CACFD1: variants seen among roughly 807,000 people sequenced by gnomAD.
CACFD1 encodes calcium channel flower homolog.
A neutral mutation model predicts 21.3 loss-of-function variants in CACFD1; 26 were observed. The observed-to-expected ratio is 1.22, with a 90% confidence interval of 0.89 to 1.69. The LOEUF is 1.69. Ranked by LOEUF, CACFD1 falls within the 40% of genes most tolerant of loss-of-function variation. The pLI, the probability that CACFD1 is intolerant of heterozygous loss-of-function variation, is 0.00. For synonymous variants in CACFD1, 121 were observed against 106.6 expected (o/e 1.13, Z -0.83); for missense variants, 265 against 236.2 (o/e 1.12, Z -0.80).
Position 133,463,573 on chromosome 9 carries a change from G to A in CACFD1, c.194+18G>A, listed in dbSNP as rs782200236. ...TGGATGATGTGAGTAATGCATGGCC[G>A]TCCCACCCCGGGGGTCTTGCTGGTC... On this transcript the variant is annotated intron_variant, in intron 2 of 4. Transcript: ENST00000316948. The A allele has an allele frequency of 3.8e-5, 62 of 1,612,920 alleles. No homozygotes were observed. Among genetic ancestry groups the A allele is most frequent in the Middle Eastern group, 1.6e-4 (1 of 6,082 alleles).
intron 1 of CACFD1, chr9:133,462,290 C>G: frequency 7.7e-7 from 1 of 1,303,306 alleles, no homozygotes; most frequent in South Asian, 1.2e-5. Flanking sequence ...ACAGGCAGGC[C>G]CCTGTGTACC....
chr9:133,464,038 A>G (rs988432861), intron 2 of CACFD1, among the ~76,000 whole-genome samples: 3 of 152,092 alleles, frequency 2.0e-5, no homozygotes, highest in Admixed American at 6.5e-5. Context: ...GGCGGGTCGG[A>G]GTTGTCACGG....
rs1554799979 is a variant in CACFD1 at position 133,468,251 on chromosome 9, A to G, written c.428+223A>G. 2.8e-6 allele frequency: 4 copies of G among 1,436,044 alleles called. No individual in the cohort carries two copies. In the African/African-American group the frequency reaches 4.3e-5, roughly 15 times the overall value. 89.0% of individuals were successfully genotyped at this position (1,436,044 alleles called of 1,614,324 possible). A position where few individuals can be genotyped will look rare whatever the true frequency, so the allele number is the denominator to read the frequency against. Reference sequence around the variant, plus strand: ...TCTTGCCCCGTCACGGCCTGCAGCAAGGATAGCAAAAACATGGCTGGTGGG... The same window carrying G: ...TCTTGCCCCGTCACGGCCTGCAGCAGGGATAGCAAAAACATGGCTGGTGGG... On this transcript the variant is annotated intron_variant, in intron 4 of 4. Coordinates refer to ENST00000316948, the MANE Select transcript of CACFD1 (RefSeq NM_017586.5).
At position 133,465,349 on chromosome 9, in the gene CACFD1, T is replaced by C; in HGVS notation, c.222T>C (p.Cys74=). The C allele has an allele frequency of 6.2e-7, 1 of 1,614,080 alleles. No homozygotes were observed. The highest frequency in any genetic ancestry group is 2.2e-5 in the East Asian group (1 of 44,876). The part of the protein sequence containing the change: ...MIMNAFILLL[C]EAPFCCQFIE... The stretch of plus-strand genomic sequence containing the variant: ...TGAATGCCTTCATCTTGTTGCTGTG[T>C]GAGGCGCCCTTCTGCTGCCAGTTCA... The change falls in exon 3 of 5, where the codon TGT becomes TGC. Residue 74 remains cysteine (C), a synonymous_variant. Transcript: ENST00000316948. This position sits in a 1 kb window ranked among gnomAD's most constrained non-coding sequence, Gnocchi z 5.0.
chr9:133,467,848 G>A (rs897116834), intron 3 of CACFD1, 73 bp from the exon 4 acceptor site: 12 of 1,110,798 alleles, frequency 1.1e-5, no homozygotes, highest in Admixed American at 8.6e-5. Context: ...ATGCTGGGCC[G>A]AGTCTGGGAA....
chr9:133,467,830 T>TA, intron 3 of CACFD1, 91 bp from the exon 4 acceptor site: 1 of 914,880 alleles, frequency 1.1e-6, no homozygotes, highest in Non-Finnish European at 1.8e-6. Context: ...CCTGGGTGTC[T>TA]AGGAAGGATG....
At chr9:133,467,320 G>A (rs1001287779) in intron 3 of CACFD1, among the ~76,000 whole-genome samples, 6 of 152,190 alleles carry the variant, frequency 3.9e-5, no homozygotes, top group Non-Finnish European at 8.8e-5. Flanking sequence ...ACCAGGTGAC[G>A]CCAAACTGCA....
chr9:133,460,120 G>T lies in CACFD1; in HGVS notation c.54G>T (p.Ala18=). 1 of 1,562,674 alleles carries T rather than the reference G, an allele frequency of 6.4e-7. No homozygotes were observed. Among genetic ancestry groups the T allele is most frequent in the Non-Finnish European group, 8.7e-7 (1 of 1,153,082 alleles). The change falls in exon 1 of 5, where the codon GCG becomes GCT. Residue 18 remains alanine (A), a synonymous_variant. Transcript: ENST00000316948. Reference sequence around the variant, plus strand: ...CGTCCGCCAGCTCTGCGCCGCCCGCGCAGGAAGAGGGCATGACGTGGTGGT... The same window carrying T: ...CGTCCGCCAGCTCTGCGCCGCCCGCTCAGGAAGAGGGCATGACGTGGTGGT... ...PGASASSAPP[A]QEEGMTWWYR...
rs1237886180 is a variant in CACFD1 at position 133,468,851 on chromosome 9, G to A, written c.*198G>A. On this transcript the variant is annotated 3_prime_UTR_variant, in exon 5 of 5. Transcript: ENST00000316948. ...GCTGGTGTGAGGGTCTGGGCTGCTG[G>A]ACTTGAGGCAGAGCCTGCAGCAGCT... is the stretch of plus-strand genomic sequence containing the variant. 7 of 904,682 alleles carry A rather than the reference G, an allele frequency of 7.7e-6. No individual in the cohort carries two copies. The highest frequency in any genetic ancestry group is 1.1e-5 in the Non-Finnish European group (7 of 624,446). 56.0% of individuals were successfully genotyped at this position (904,682 alleles called of 1,614,324 possible).
At chr9:133,460,257 C>T in intron 1 of CACFD1, 70 bp downstream of exon 1, 2 of 1,354,748 alleles carry the variant, frequency 1.5e-6, no homozygotes. Flanking sequence ...CTGCCCCGCC[C>T]CGCCCCGGCG....
At position 133,465,749 on chromosome 9, in the gene CACFD1, G is replaced by C. The variant is rs980723713; in HGVS notation, c.320+302G>C. ...TGGGAAGCGTCTGGAATTTTGGTCC[G>C]TCCACTGGGAGTTGTTAACCAGATG... On this transcript the variant is annotated intron_variant, in intron 3 of 4. Coordinates refer to ENST00000316948, the MANE Select transcript of CACFD1 (RefSeq NM_017586.5). The surrounding 1 kb of genome is among the most constrained non-coding windows in gnomAD (Gnocchi z 5.0). 9.1e-6 allele frequency: 3 copies of C among 330,108 alleles called. No homozygotes were observed. Among genetic ancestry groups the C allele is most frequent in the Non-Finnish European group, 1.7e-5 (3 of 179,214 alleles). 20.4% of individuals were successfully genotyped at this position (330,108 alleles called of 1,614,324 possible).
chr9:133,463,741 T>G (rs1210947520), intron 2 of CACFD1, among the ~76,000 whole-genome samples, 186 bp downstream of exon 2: 1 of 152,194 alleles, frequency 6.6e-6, no homozygotes, highest in Non-Finnish European at 1.5e-5. Flanking sequence ...CTTCTTCCCC[T>G]TCATACCCCC....
In CACFD1 at chr9:133,469,707, C is replaced by G. The variant is rs1843598897; in HGVS notation, c.*1054C>G. Reference sequence around the variant, plus strand: ...TATTCCCTCTGCCCTGTGGCCTCAGCCCGCTGGCCTCTCTGACCGTGAGGC... The same window carrying G: ...TATTCCCTCTGCCCTGTGGCCTCAGGCCGCTGGCCTCTCTGACCGTGAGGC... On this transcript the variant is annotated 3_prime_UTR_variant, in exon 5 of 5. Transcript: ENST00000316948. The G allele has an allele frequency of 6.6e-6, 1 of 152,296 alleles. No individual in the cohort carries two copies. The highest frequency in any genetic ancestry group is 1.5e-5 in the Non-Finnish European group (1 of 68,092). The allele number at this position is 152,296 out of a possible 1,614,324, so 9.4% of individuals were successfully genotyped here.
In CACFD1 at chr9:133,468,678, G is replaced by A. The variant is rs1554800212; in HGVS notation, c.*25G>A. On this transcript the variant is annotated 3_prime_UTR_variant, in exon 5 of 5. Transcript: ENST00000316948. Reference sequence around the variant, plus strand: ...AAGGGCTGGGCGCCCCTCCCTCCCTGTCCCCTCTTCTGGCTCTGTGTGGGT... The same window carrying A: ...AAGGGCTGGGCGCCCCTCCCTCCCTATCCCCTCTTCTGGCTCTGTGTGGGT... The A allele has an allele frequency of 6.5e-7, 1 of 1,548,660 alleles. No individual in the cohort carries two copies. The highest frequency in any genetic ancestry group is 1.2e-5 in the South Asian group (1 of 83,724).
chr9:133,460,279 A>G, intron 1 of CACFD1, 92 bp downstream of exon 1: 1 of 1,210,138 alleles, frequency 8.3e-7, no homozygotes, highest in Non-Finnish European at 1.1e-6. Context: ...CCCCAGGGGA[A>G]AGGACCCGCT....
chr9:133,465,158 G>C lies in CACFD1; in HGVS notation c.195-164G>C. Reference sequence around the variant, plus strand: ...AGTCTTCAGCAGAGGCTCTCCGAGGGGTACGAGCAGGTGCCCTGGAGCAGC... The same window carrying C: ...AGTCTTCAGCAGAGGCTCTCCGAGGCGTACGAGCAGGTGCCCTGGAGCAGC... On this transcript the variant is annotated intron_variant, in intron 2 of 4. Coordinates refer to ENST00000316948, the MANE Select transcript of CACFD1 (RefSeq NM_017586.5). The surrounding 1 kb of genome is among the most constrained non-coding windows in gnomAD (Gnocchi z 5.0). 1 of 715,442 alleles carries C rather than the reference G, an allele frequency of 1.4e-6. No individual in the cohort carries two copies. The highest frequency in any genetic ancestry group is 2.4e-6 in the Non-Finnish European group (1 of 409,902). 44.3% of individuals were successfully genotyped at this position (715,442 alleles called of 1,614,324 possible).
In CACFD1 at chr9:133,468,642, G is replaced by C. The variant is rs782381668; in HGVS notation, c.508G>C (p.Gly170Arg). Residue 170 changes from glycine to arginine, a missense_variant, in exon 5 of 5, where the codon GGG becomes CGG. Gly to Arg is a moderately radical substitution (Grantham distance 125). Coordinates refer to ENST00000316948, the MANE Select transcript of CACFD1 (RefSeq NM_017586.5). ...DEEKLAETLE[G>R]EL ...GGAGAAGCTCGCGGAGACCCTGGAGGGGGAGCTGTGAAGGGCTGGGCGCCC... is the reference window on the plus strand; with the variant it reads ...GGAGAAGCTCGCGGAGACCCTGGAGCGGGAGCTGTGAAGGGCTGGGCGCCC... The C allele has an allele frequency of 1.9e-6, 3 of 1,577,378 alleles. No individual in the cohort carries two copies. The highest frequency in any genetic ancestry group is 2.0e-4 in the Middle Eastern group (1 of 4,958).
rs931673885 is a variant in CACFD1, at chr9:133,465,889, C to G, written c.320+442C>G. ...GCAGAGCAGAAAATGTGGTTGCCCT[C>G]TAAATACACTTGTTAAAAATTTTCC... is the stretch of plus-strand genomic sequence containing the variant. On this transcript the variant is annotated intron_variant, in intron 3 of 4. Coordinates refer to ENST00000316948, the MANE Select transcript of CACFD1 (RefSeq NM_017586.5). This position sits in a 1 kb window ranked among gnomAD's most constrained non-coding sequence, Gnocchi z 5.0. 10 of 158,966 alleles carry G rather than the reference C, an allele frequency of 6.3e-5. No homozygotes were observed. The highest frequency in any genetic ancestry group is 2.4e-4 in the African/African-American group (10 of 41,544). 9.8% of individuals were successfully genotyped at this position (158,966 alleles called of 1,614,324 possible). A position where few individuals can be genotyped will look rare whatever the true frequency, so the allele number is the denominator to read the frequency against.
intron 1 of CACFD1, 31 bp from the exon 2 acceptor site, chr9:133,463,452 G>T: frequency 6.2e-7 from 1 of 1,613,602 alleles, no homozygotes; most frequent in Non-Finnish European, 8.5e-7. Flanking sequence ...CTGCCTCCCT[G>T]CTGACTCCTG....
Sources: allele counts gnomAD v4.1 joint callset (sites outside exome capture counted in the v4.1 genomes callset), GRCh38; gene constraint gnomAD v4.1.1; non-coding constraint Gnocchi (gnomAD v3.1); transcripts MANE v1.5; gene names NCBI Gene and HGNC (gene_info 2026-07-23, HGNC 2026-07-21).